The following KDM4C variants were observed in gnomAD, a reference collection of about 807,000 sequenced individuals.
KDM4C encodes lysine-specific demethylase 4C.
In KDM4C, 81 loss-of-function variants were observed where a neutral mutation model predicts 129.3. That is an observed-to-expected ratio of 0.63 (90% CI 0.52 to 0.75). KDM4C has a LOEUF of 0.75. KDM4C is among the 30% of genes least tolerant of loss of function. The probability of loss-of-function intolerance (pLI) is 0.00; values close to 1 mark genes in which losing one functional copy is unlikely to be tolerated. For missense variants in KDM4C, 1,457 were observed against 1,304.0 expected, an observed-to-expected ratio of 1.12 and a Z score of -1.81; for synonymous variants, 573 against 456.1, an observed-to-expected ratio of 1.26 and a Z score of -3.26.
In KDM4C at chr9:6,722,517, A is replaced by ATT. The variant is rs71315551; in HGVS notation, c.49+1532_49+1533dup. Reference sequence around the variant, plus strand: ...ACATGGCAAAACCCTATGTCTATATATTTTTTTTTTTTTGAGATGGAGTTT... The same window carrying ATT: ...ACATGGCAAAACCCTATGTCTATATATTTTTTTTTTTTTTTGAGATGGAGTTT... On this transcript the variant is annotated intron_variant, in intron 1 of 17. Coordinates refer to the KDM4C transcript ENST00000536108. Among the ~76,000 whole-genome samples, 962 of 134,698 alleles carry ATT rather than the reference A, an allele frequency of 7.1e-3. 1 individual carries two copies. The highest frequency in any genetic ancestry group is 8.7e-3 in the Non-Finnish European group (512 of 58,612). 88.4% of individuals were successfully genotyped at this position (134,698 alleles called of 152,430 possible).
intron 8 of KDM4C, among the ~76,000 whole-genome samples, chr9:6,971,267 TCTTTA>T (rs1415114685): frequency 5.9e-5 from 9 of 152,224 alleles, no homozygotes; most frequent in Non-Finnish European, 1.2e-4. Context: ...TTTAAAGTGG[TCTTTA>T]CTGCTTGGCA....
chr9:6,998,867 T>C (rs774022552), intron 12 of KDM4C, among the ~76,000 whole-genome samples: 3 of 152,012 alleles, frequency 2.0e-5, no homozygotes, highest in African/African-American at 4.8e-5. Context: ...AATTGAATAC[T>C]AAAGTGGTCC....
At chr9:6,946,161 A>G (rs1166707700) in intron 8 of KDM4C, among the ~76,000 whole-genome samples, 1 of 152,154 alleles carries the variant, frequency 6.6e-6, no homozygotes, top group Non-Finnish European at 1.5e-5. Flanking sequence ...AGTAGTTGCA[A>G]TTGATACTAT....
At chr9:6,919,670 G>C (rs1177329205) in intron 8 of KDM4C, among the ~76,000 whole-genome samples, 1 of 151,454 alleles carries the variant, frequency 6.6e-6, no homozygotes, top group Non-Finnish European at 1.5e-5. Context: ...CCGCCTCCCG[G>C]GTTCAAGTGA....
intron 19 of KDM4C, 31 bp from the exon 20 acceptor site, chr9:7,165,207 T>G: frequency 6.2e-7 from 1 of 1,610,368 alleles, no homozygotes; most frequent in Non-Finnish European, 8.5e-7. Flanking sequence ...AGGCACTCCT[T>G]TTGAAAAGCC....
chr9:7,046,482 A>G (rs1458417737), intron 15 of KDM4C, among the ~76,000 whole-genome samples: 1 of 151,990 alleles, frequency 6.6e-6, no homozygotes, highest in Non-Finnish European at 1.5e-5. Context: ...CCCAGAGCAC[A>G]AGGCTACACC....
At chr9:6,817,538 G>C (rs979227716) in intron 4 of KDM4C, among the ~76,000 whole-genome samples, 1 of 151,894 alleles carries the variant, frequency 6.6e-6, no homozygotes, top group Non-Finnish European at 1.5e-5. Context: ...CTAGTTGACA[G>C]ACTGGTGTTT....
intron 12 of KDM4C, among the ~76,000 whole-genome samples, chr9:7,010,768 G>A (rs1001361459): frequency 2.0e-5 from 3 of 152,184 alleles, no homozygotes; most frequent in African/African-American, 4.8e-5. Flanking sequence ...TTTAGACCAG[G>A]CTCAGTGGTT....
At chr9:7,069,106 G>A (rs544124935) in intron 17 of KDM4C, among the ~76,000 whole-genome samples, 2 of 152,236 alleles carry the variant, frequency 1.3e-5, no homozygotes, top group South Asian at 4.2e-4. Context: ...GTTCTGAGTG[G>A]CAAGTAAGAT....
chr9:7,049,512 C>G (rs899321937), intron 17 of KDM4C, among the ~76,000 whole-genome samples: 2 of 152,078 alleles, frequency 1.3e-5, no homozygotes, highest in Non-Finnish European at 2.9e-5. Context: ...GCTGAGCCAT[C>G]TAACTCTATT....
intron 18 of KDM4C, among the ~76,000 whole-genome samples, chr9:7,122,819 A>G (rs1242245344): frequency 6.6e-6 from 1 of 152,164 alleles, no homozygotes; most frequent in Non-Finnish European, 1.5e-5. Context: ...CATATTAAAG[A>G]AAATTCAAGT....
chr9:6,991,077 C>A (rs1004929721), intron 12 of KDM4C, among the ~76,000 whole-genome samples: 1 of 151,704 alleles, frequency 6.6e-6, no homozygotes, highest in Non-Finnish European at 1.5e-5. Context: ...ATCTTTTTCC[C>A]CCTTTTGTTC....
intron 17 of KDM4C, chr9:7,076,330 T>C: frequency 6.5e-6 from 5 of 772,362 alleles, no homozygotes; most frequent in Non-Finnish European, 1.1e-5. Context: ...GTGTCTGAGC[T>C]GGGATTAAAT....
chr9:7,025,779 A>C (rs1825706446), intron 15 of KDM4C, among the ~76,000 whole-genome samples: 1 of 152,204 alleles, frequency 6.6e-6, no homozygotes, highest in African/African-American at 2.4e-5. Flanking sequence ...TCTCCTTAAG[A>C]TCAGAGTATT....
intron 1 of KDM4C, among the ~76,000 whole-genome samples, chr9:6,750,303 G>A (rs1343602441): frequency 6.6e-6 from 1 of 151,914 alleles, no homozygotes; most frequent in Non-Finnish European, 1.5e-5. Context: ...TCTGGGCATG[G>A]TGGCACGCAC....
rs376236687 is a variant in KDM4C, at chr9:6,752,038, AAATT to A, written c.49+31044_49+31047del. Among the ~76,000 whole-genome samples the A allele has an allele frequency of 2.1e-3, 323 of 152,146 alleles. 4 individuals carry two copies. Among genetic ancestry groups the A allele is most frequent in the African/African-American group, 7.3e-3 (302 of 41,484 alleles). Reference sequence around the variant, plus strand: ...TAAGCAAGTCACATTCCTGAGTTAAAAATTAAGGAGGATGGCCGGGCGCGGTGGC... The same window carrying A: ...TAAGCAAGTCACATTCCTGAGTTAAAAAGGAGGATGGCCGGGCGCGGTGGC... On this transcript the variant is annotated intron_variant, in intron 1 of 17. Coordinates refer to the KDM4C transcript ENST00000536108.
At chr9:6,859,726 C>T (rs1471987014) in intron 5 of KDM4C, among the ~76,000 whole-genome samples, 4 of 151,390 alleles carry the variant, frequency 2.6e-5, no homozygotes, top group South Asian at 2.1e-4. Context: ...TTTAGCCGGG[C>T]GTGGTTGCAG....
At chr9:7,034,474 G>A (rs527239557) in intron 15 of KDM4C, among the ~76,000 whole-genome samples, 1 of 152,230 alleles carries the variant, frequency 6.6e-6, no homozygotes, top group South Asian at 2.1e-4. Context: ...TTCTGTTCCT[G>A]GCTTATTTCG....
rs763637750 is a variant in KDM4C at position 6,807,651 on chromosome 9, AC to A, written c.320+1881del. 4.7e-4 allele frequency among the ~76,000 whole-genome samples: 66 copies of A among 141,514 alleles called. 1 individual carries two copies. Among genetic ancestry groups the A allele is most frequent in the Non-Finnish European group, 9.8e-4 (63 of 64,576 alleles). The allele number at this position is 141,514 out of a possible 152,430, so 92.8% of individuals were successfully genotyped here. On this transcript the variant is annotated intron_variant, in intron 3 of 21. Coordinates refer to ENST00000381309, the MANE Select transcript of KDM4C (RefSeq NM_015061.6). ...TGAGGATACCCTCTGCCTGGCAACC[AC>A]CCCGTCTGAGAAGTGAGGAGCCCAT...
Sources: allele counts gnomAD v4.1 joint callset (sites outside exome capture counted in the v4.1 genomes callset), GRCh38; gene constraint gnomAD v4.1.1; transcripts MANE v1.5; gene names NCBI Gene and HGNC (gene_info 2026-07-23, HGNC 2026-07-21).